The following MRGPRE variants were observed in gnomAD, a reference collection of about 807,000 sequenced individuals.
The protein encoded by MRGPRE is mas-related G protein-coupled receptor member E.
For missense variants in MRGPRE, 466 were observed against 433.4 expected (o/e 1.08, Z -0.67); for synonymous variants, 229 against 206.7 (o/e 1.11, Z -0.92).
At position 3,228,130 on chromosome 11, in the gene MRGPRE, G is replaced by C; in HGVS notation, c.670C>G (p.Leu224Val). 6.3e-7 allele frequency: 1 copy of C among 1,586,870 alleles called. No individual in the cohort carries two copies. Among genetic ancestry groups the C allele is most frequent in the Non-Finnish European group, 8.6e-7 (1 of 1,167,128 alleles). The change falls in exon 2 of 2, where the codon CTC becomes GTC. Residue 224 changes from leucine (L) to valine (V), a missense_variant. Transcript: ENST00000389832. Reference protein sequence around the residue: ...GFPGLILLTVLLFLFCGLPFG... With the variant: ...GFPGLILLTVVLFLFCGLPFG... ...GGCAGGCCGCAGAAGAGGAAGAGGA[G>C]GACGGTGAGGAGGATGAGCCCAGGG...
Position 3,228,391 on chromosome 11 carries a change from G to T in MRGPRE, c.409C>A (p.Arg137Ser). ...FPAWYSCRRP[R>S]HLTTCVCALT... ...GCGCACACACAGGTGGTCAGGTGGC[G>T]TGGGCGGCGGCACGAGTACCAGGCT... Residue 137 changes from arginine (R) to serine (S), a missense_variant, in exon 2 of 2, where the codon CGC becomes AGC. Transcript: ENST00000389832. The T allele has an allele frequency of 1.3e-6, 2 of 1,598,344 alleles. No homozygotes were observed. Among genetic ancestry groups the T allele is most frequent in the Admixed American group, 3.4e-5 (2 of 58,466 alleles).
In MRGPRE at chr11:3,226,476, G is replaced by A. The variant is rs1167953358; in HGVS notation, c.*1385C>T. 1 of 152,194 alleles carries A rather than the reference G, an allele frequency of 6.6e-6. No individual in the cohort carries two copies. Among genetic ancestry groups the A allele is most frequent in the Non-Finnish European group, 1.5e-5 (1 of 68,072 alleles). The allele number at this position is 152,194 out of a possible 1,614,324, so 9.4% of individuals were successfully genotyped here. ...GCCCCTGGGGCTCCCAGTCTCAAGG[G>A]ATACCTGGACCCAGGCCTGCTGGGC... On this transcript the variant is annotated 3_prime_UTR_variant, in exon 2 of 2. Transcript: ENST00000389832.
In MRGPRE at chr11:3,228,522, C is replaced by G. The variant is rs1376990575; in HGVS notation, c.278G>C (p.Gly93Ala). The change falls in exon 2 of 2, where the codon GGC becomes GCC. Residue 93 changes from glycine (G) to alanine (A), a missense_variant. Physicochemically the swap from Gly to Ala is moderately conservative, Grantham distance 60. Coordinates refer to ENST00000389832, the MANE Select transcript of MRGPRE (RefSeq NM_001039165.4). The stretch of plus-strand genomic sequence containing the variant: ...CGTTGCCAGGCTGGTCTGCACGAAG[C>G]CCGGGAAGTCCAGCCGGCCTTGCAG... ...DLLQGRLDFPGFVQTSLATLR... is the reference protein window; with the variant it reads ...DLLQGRLDFPAFVQTSLATLR... 1 of 1,613,802 alleles carries G rather than the reference C, an allele frequency of 6.2e-7. No homozygotes were observed. Among genetic ancestry groups the G allele is most frequent in the Non-Finnish European group, 8.5e-7 (1 of 1,179,972 alleles).
rs560277441 is a variant in MRGPRE at position 3,230,967 on chromosome 11, G to C, written c.-62+1174C>G. The stretch of plus-strand genomic sequence containing the variant: ...ATGCTCTCCTACTCAGGATAGCTTG[G>C]GGGGGTCACCAACCCTCAGGCCCAG... On this transcript the variant is annotated intron_variant, in intron 1 of 1. Coordinates refer to ENST00000389832, the MANE Select transcript of MRGPRE (RefSeq NM_001039165.4). The surrounding 1 kb of genome is among the most constrained non-coding windows in gnomAD (Gnocchi z 5.5). 1.3e-5 allele frequency among the ~76,000 whole-genome samples: 2 copies of C among 152,024 alleles called. No homozygotes were observed. Among genetic ancestry groups the C allele is most frequent in the Admixed American group, 1.3e-4 (2 of 15,280 alleles).
chr11:3,230,620 C>T lies in MRGPRE; in HGVS notation c.-62+1521G>A, dbSNP rs1057386207. Among the ~76,000 whole-genome samples, 9 of 151,580 alleles carry T rather than the reference C, an allele frequency of 5.9e-5. No individual in the cohort carries two copies. The South Asian group carries it at 8.4e-4, about 14-fold the overall frequency. ...TGAAATGACAGCCTGAGGTTGTCCC[C>T]GCCTCAGGGGTGGGCATGGGGGTGG... is the stretch of plus-strand genomic sequence containing the variant. On this transcript the variant is annotated intron_variant, in intron 1 of 1. Coordinates refer to ENST00000389832, the MANE Select transcript of MRGPRE (RefSeq NM_001039165.4). The surrounding 1 kb of genome is among the most constrained non-coding windows in gnomAD (Gnocchi z 5.5).
At position 3,226,667 on chromosome 11, in the gene MRGPRE, G is replaced by A. The variant is rs557783153; in HGVS notation, c.*1194C>T. Among the ~76,000 whole-genome samples, 23 of 152,340 alleles carry A rather than the reference G, an allele frequency of 1.5e-4. No individual in the cohort carries two copies. The highest frequency in any genetic ancestry group is 4.3e-4 in the African/African-American group (18 of 41,578). On this transcript the variant is annotated 3_prime_UTR_variant, in exon 2 of 2. Transcript: ENST00000389832. ...CCTTCCATCACCAGCCATGGAGGCC[G>A]GAGTCAGAAATCAAAGAAAACACTC...
rs959364502 is a variant in MRGPRE at position 3,226,569 on chromosome 11, G to A, written c.*1292C>T. On this transcript the variant is annotated 3_prime_UTR_variant, in exon 2 of 2. Transcript: ENST00000389832. Reference sequence around the variant, plus strand: ...GGGCCCGGTGCAGCCGGATTCCAGGGTGCTGACCAGGGATCTGCGACTCAC... The same window carrying A: ...GGGCCCGGTGCAGCCGGATTCCAGGATGCTGACCAGGGATCTGCGACTCAC... 6.6e-6 allele frequency among the ~76,000 whole-genome samples: 1 copy of A among 152,188 alleles called. No individual in the cohort carries two copies. The highest frequency in any genetic ancestry group is 2.4e-5 in the African/African-American group (1 of 41,432).
chr11:3,225,643 G>A lies in MRGPRE; in HGVS notation c.*2218C>T, dbSNP rs934420575. Reference sequence around the variant, plus strand: ...GGTCCTAATGTCCTGAGGGCTCAAGGACCACAGAACTGGAGGCCAAGCTGG... The same window carrying A: ...GGTCCTAATGTCCTGAGGGCTCAAGAACCACAGAACTGGAGGCCAAGCTGG... On this transcript the variant is annotated 3_prime_UTR_variant, in exon 2 of 2. Coordinates refer to ENST00000389832, the MANE Select transcript of MRGPRE (RefSeq NM_001039165.4). Among the ~76,000 whole-genome samples the A allele has an allele frequency of 3.9e-5, 6 of 152,170 alleles. No individual in the cohort carries two copies. Among genetic ancestry groups the A allele is most frequent in the African/African-American group, 1.2e-4 (5 of 41,436 alleles).
chr11:3,227,953 G>C lies in MRGPRE; in HGVS notation c.847C>G (p.Arg283Gly), dbSNP rs768307884. The change falls in exon 2 of 2, where the codon CGG becomes GGG. Residue 283 changes from arginine (R) to glycine (G), a missense_variant. Transcript: ENST00000389832. ...GSAQGRRLPL[R>G]LVLQRALGDE... Reference sequence around the variant, plus strand: ...CCCAGCGCTCGCTGGAGGACCAGCCGGAGGGGCAGCCTGCGGCCCTGGGCA... The same window carrying C: ...CCCAGCGCTCGCTGGAGGACCAGCCCGAGGGGCAGCCTGCGGCCCTGGGCA... 5.7e-6 allele frequency: 9 copies of C among 1,565,414 alleles called. No individual in the cohort carries two copies. The highest frequency in any genetic ancestry group is 1.4e-5 in the African/African-American group (1 of 73,728).
chr11:3,227,180 C>T lies in MRGPRE; in HGVS notation c.*681G>A, dbSNP rs1847770087. On this transcript the variant is annotated 3_prime_UTR_variant, in exon 2 of 2. Coordinates refer to ENST00000389832, the MANE Select transcript of MRGPRE (RefSeq NM_001039165.4). Reference sequence around the variant, plus strand: ...TGCTGGGTGGGGCTGTAAGAAGCCTCTCCACCCACCCAGGGTGCACCCTCC... The same window carrying T: ...TGCTGGGTGGGGCTGTAAGAAGCCTTTCCACCCACCCAGGGTGCACCCTCC... 6.6e-6 allele frequency among the ~76,000 whole-genome samples: 1 copy of T among 152,120 alleles called. No individual in the cohort carries two copies. Among genetic ancestry groups the T allele is most frequent in the Non-Finnish European group, 1.5e-5 (1 of 68,004 alleles).
chr11:3,228,913 CT>C (rs1331917266), intron 1 of MRGPRE, 53 bp from the exon 2 acceptor site: 1 of 825,746 alleles, frequency 1.2e-6, no homozygotes, highest in Admixed American at 2.9e-5. Flanking sequence ...CCCCCTGCTC[CT>C]CCCCACATCA....
chr11:3,228,831 G>A lies in MRGPRE; in HGVS notation c.-32C>T, dbSNP rs755382693. The A allele has an allele frequency of 5.9e-6, 9 of 1,537,644 alleles. No homozygotes were observed. Among genetic ancestry groups the A allele is most frequent in the Non-Finnish European group, 7.1e-6 (8 of 1,128,516 alleles). On this transcript the variant is annotated 5_prime_UTR_variant, in exon 2 of 2. Transcript: ENST00000389832. ...GGGGGCCAGGGGATGCTGCAGGAGT[G>A]TGTTCTGCTCGCTCTCTCTCCTGAT... is the stretch of plus-strand genomic sequence containing the variant.
At position 3,228,014 on chromosome 11, in the gene MRGPRE, G is replaced by A. The variant is rs576704362; in HGVS notation, c.786C>T (p.Cys262=). 1.3e-4 allele frequency: 210 copies of A among 1,605,852 alleles called. 1 individual carries two copies. In the South Asian group the frequency reaches 1.5e-3, roughly 11 times the overall value. Residue 262 remains cysteine, a synonymous_variant, in exon 2 of 2, where the codon TGC becomes TGT. Coordinates refer to ENST00000389832, the MANE Select transcript of MRGPRE (RefSeq NM_001039165.4). ...AGAAGTAGACGACGGGCTTGGCCGC[G>A]CAGTGCACGGCGGCCATGAGGAAGC... ...HFSFLMAAVH[C]AAKPVVYFCL...
In MRGPRE at chr11:3,227,836, C is replaced by A; in HGVS notation, c.*25G>T. ...TCACCCTCTTGCCTCACGGGGGCTG[C>A]AGCTGGGGTCGGGGGCCCCAGGGCT... On this transcript the variant is annotated 3_prime_UTR_variant, in exon 2 of 2. Transcript: ENST00000389832. The A allele has an allele frequency of 7.0e-7, 1 of 1,427,182 alleles. No individual in the cohort carries two copies. The allele number at this position is 1,427,182 out of a possible 1,614,324, so 88.4% of individuals were successfully genotyped here.
Position 3,228,065 on chromosome 11 carries a change from G to A in MRGPRE, c.735C>T (p.Tyr245=), listed in dbSNP as rs1296294759. The change falls in exon 2 of 2, where the codon TAC becomes TAT. Residue 245 remains tyrosine, a synonymous_variant. Transcript: ENST00000389832. ...TGAAGTGGTAGAAGTAGTGGGGGATGTACCAGAGCAGGTTCCGGGACAGCC... is the reference window on the plus strand; with the variant it reads ...TGAAGTGGTAGAAGTAGTGGGGGATATACCAGAGCAGGTTCCGGGACAGCC... ...IYWLSRNLLW[Y]IPHYFYHFSF... 3 of 1,608,118 alleles carry A rather than the reference G, an allele frequency of 1.9e-6. No individual in the cohort carries two copies. Among genetic ancestry groups the A allele is most frequent in the East Asian group, 4.5e-5 (2 of 44,682 alleles).
Position 3,228,070 on chromosome 11 carries a change from A to G in MRGPRE, c.730T>C (p.Trp244Arg). 6.2e-7 allele frequency: 1 copy of G among 1,607,874 alleles called. No homozygotes were observed. The highest frequency in any genetic ancestry group is 8.5e-7 in the Non-Finnish European group (1 of 1,177,560). The change falls in exon 2 of 2, where the codon TGG becomes CGG. Residue 244 changes from tryptophan (W) to arginine (R), a missense_variant. Coordinates refer to ENST00000389832, the MANE Select transcript of MRGPRE (RefSeq NM_001039165.4). ...GIYWLSRNLL[W>R]YIPHYFYHFS... ...TGGTAGAAGTAGTGGGGGATGTACCAGAGCAGGTTCCGGGACAGCCAGTAG... is the reference window on the plus strand; with the variant it reads ...TGGTAGAAGTAGTGGGGGATGTACCGGAGCAGGTTCCGGGACAGCCAGTAG...
chr11:3,228,397 G>A lies in MRGPRE; in HGVS notation c.403C>T (p.Arg135Cys), dbSNP rs376138379. 1.4e-5 allele frequency: 22 copies of A among 1,600,542 alleles called. No individual in the cohort carries two copies. Among genetic ancestry groups the A allele is most frequent in the East Asian group, 6.8e-5 (3 of 44,362 alleles). Residue 135 changes from arginine to cysteine, a missense_variant, in exon 2 of 2, where the codon CGC becomes TGC. Physicochemically the swap from Arg to Cys is radical, Grantham distance 180. Coordinates refer to ENST00000389832, the MANE Select transcript of MRGPRE (RefSeq NM_001039165.4). ...ALFPAWYSCR[R>C]PRHLTTCVCA... The stretch of plus-strand genomic sequence containing the variant: ...ACACAGGTGGTCAGGTGGCGTGGGC[G>A]GCGGCACGAGTACCAGGCTGGGAAG...
rs1220212004 is a variant in MRGPRE at position 3,229,329 on chromosome 11, G to T, written c.-61-469C>A. Reference sequence around the variant, plus strand: ...CAACCTCTGCCTCCCGGGTTCAAGTGATTCTCCTGTCTCAGCCTCCCGAAG... The same window carrying T: ...CAACCTCTGCCTCCCGGGTTCAAGTTATTCTCCTGTCTCAGCCTCCCGAAG... On this transcript the variant is annotated intron_variant, in intron 1 of 1. Transcript: ENST00000389832. The surrounding 1 kb of genome is among the most constrained non-coding windows in gnomAD (Gnocchi z 4.4). Among the ~76,000 whole-genome samples the T allele has an allele frequency of 6.7e-6, 1 of 148,214 alleles. No individual in the cohort carries two copies. Among genetic ancestry groups the T allele is most frequent in the Non-Finnish European group, 1.5e-5 (1 of 67,608 alleles).
Position 3,231,295 on chromosome 11 carries a change from T to C in MRGPRE, c.-62+846A>G, listed in dbSNP as rs1847826912. ...GGAGAGTGCAGGAAGGGGAGAGGCA[T>C]GAAGAGATGGGGGACAGAGAAGGAA... On this transcript the variant is annotated intron_variant, in intron 1 of 1. Transcript: ENST00000389832. This position sits in a 1 kb window ranked among gnomAD's most constrained non-coding sequence, Gnocchi z 4.7. 6.6e-6 allele frequency among the ~76,000 whole-genome samples: 1 copy of C among 150,558 alleles called. No individual in the cohort carries two copies. The highest frequency in any genetic ancestry group is 2.1e-4 in the South Asian group (1 of 4,746).
Sources: allele counts gnomAD v4.1 joint callset (sites outside exome capture counted in the v4.1 genomes callset), GRCh38; gene constraint gnomAD v4.1.1; non-coding constraint Gnocchi (gnomAD v3.1); transcripts MANE v1.5; gene names NCBI Gene and HGNC (gene_info 2026-07-23, HGNC 2026-07-21).